The following MBD2 variants were observed in gnomAD, a reference collection of about 807,000 sequenced individuals.
The protein encoded by MBD2 is methyl-CpG binding domain protein 2.
Under a neutral mutation model 39.3 loss-of-function variants are expected in MBD2, and 9 were observed. The observed-to-expected ratio is 0.23, with a 90% CI of 0.14 to 0.40. The LOEUF is 0.40. MBD2 is among the 10% of genes least tolerant of loss of function. MBD2 has a pLI of 1.00. For missense variants in MBD2, 458 were observed against 532.6 expected, an observed-to-expected ratio of 0.86 and a Z score of 1.38; for synonymous variants, 233 against 211.1, an observed-to-expected ratio of 1.10 and a Z score of -0.90.
intron 3 of MBD2, among the ~76,000 whole-genome samples, chr18:54,168,613 TTGTGTGTGTGTGTGTGTGTGTGTGTG>T (rs60604906): frequency 6.8e-5 from 8 of 117,170 alleles, no homozygotes; most frequent in South Asian, 5.5e-4. Context: ...GTATGCATAT[TTGTGTGTGTGTGTGTGTGTGTGTGTG>T]TGTGTGTGTG....
chr18:54,195,386 T>C (rs2086357102), intron 2 of MBD2, among the ~76,000 whole-genome samples: 1 of 152,204 alleles, frequency 6.6e-6, no homozygotes, highest in African/African-American at 2.4e-5. Flanking sequence ...AATGTTGCTC[T>C]ACCTACCCAA....
intron 3 of MBD2, among the ~76,000 whole-genome samples, chr18:54,188,634 G>A (rs1396603814): frequency 1.3e-5 from 2 of 151,984 alleles, no homozygotes; most frequent in Non-Finnish European, 2.9e-5. Context: ...ATTACCACAC[G>A]AAAAGCATAA....
intron 2 of MBD2, among the ~76,000 whole-genome samples, chr18:54,196,576 G>T (rs939666792): frequency 6.6e-6 from 1 of 152,114 alleles, no homozygotes; most frequent in Admixed American, 6.5e-5. Flanking sequence ...TGACACAAAT[G>T]GTTTTCTGTA....
At chr18:54,184,872 A>G (rs1293074724) in intron 3 of MBD2, among the ~76,000 whole-genome samples, 2 of 152,158 alleles carry the variant, frequency 1.3e-5, no homozygotes, top group Non-Finnish European at 2.9e-5. Flanking sequence ...TATAGGACAC[A>G]TCCTCTATTT....
chr18:54,170,161 T>G (rs2086169860), intron 3 of MBD2, among the ~76,000 whole-genome samples: 1 of 152,218 alleles, frequency 6.6e-6, no homozygotes, highest in Admixed American at 6.5e-5. Flanking sequence ...ACAGTTCTCC[T>G]AGTAAGGACA....
chr18:54,208,433 G>A (rs555212707), intron 1 of MBD2, among the ~76,000 whole-genome samples: 58 of 151,770 alleles, frequency 3.8e-4, no homozygotes, highest in African/African-American at 1.2e-3. Flanking sequence ...CAGACGTTGC[G>A]GCAAGCCGAG....
chr18:54,188,981 T>A lies in MBD2; in HGVS notation c.733A>T (p.Ile245Phe). Residue 245 changes from isoleucine (I) to phenylalanine (F), a missense_variant, in exon 3 of 7, where the codon ATT (isoleucine) becomes TTT (phenylalanine). Coordinates refer to ENST00000256429, the MANE Select transcript of MBD2 (RefSeq NM_003927.5). ...GKPDLNTTLPIRQTASIFKQP... is the reference protein window; with the variant it reads ...GKPDLNTTLPFRQTASIFKQP... ...TTGAAAATTGATGCTGTTTGTCTAA[T>A]TGGCAATGTTGTATTCAAGTCTGGT... 6.2e-7 allele frequency: 1 copy of A among 1,608,704 alleles called. No individual in the cohort carries two copies. Among genetic ancestry groups the A allele is most frequent in the Non-Finnish European group, 8.5e-7 (1 of 1,176,500 alleles).
At chr18:54,157,282 A>G (rs2086059173) in intron 6 of MBD2, among the ~76,000 whole-genome samples, 1 of 150,818 alleles carries the variant, frequency 6.6e-6, no homozygotes, top group African/African-American at 2.4e-5. Flanking sequence ...TTTTTTTGAG[A>G]CAGAGTCTCA....
intron 3 of MBD2, among the ~76,000 whole-genome samples, chr18:54,175,172 G>T (rs1388658471): frequency 6.6e-6 from 1 of 152,154 alleles, no homozygotes; most frequent in Non-Finnish European, 1.5e-5. Context: ...CTGACCAGAG[G>T]AACATGCTGA....
At chr18:54,218,433 C>T (rs1246824420) in intron 1 of MBD2, among the ~76,000 whole-genome samples, 4 of 152,146 alleles carry the variant, frequency 2.6e-5, no homozygotes, top group African/African-American at 9.7e-5. Context: ...CTCAATGGCA[C>T]ACTAAGCCCA....
chr18:54,196,400 G>A (rs1276757548), intron 2 of MBD2, among the ~76,000 whole-genome samples: 1 of 152,144 alleles, frequency 6.6e-6, no homozygotes, highest in African/African-American at 2.4e-5. Context: ...ACTTACTGGA[G>A]CTTTAGTTAA....
At chr18:54,214,373 T>C (rs1032719665) in intron 1 of MBD2, among the ~76,000 whole-genome samples, 9 of 152,062 alleles carry the variant, frequency 5.9e-5, no homozygotes, top group African/African-American at 1.9e-4. Context: ...TTTTTAAAAA[T>C]TTTTTGTAGG....
chr18:54,220,120 A>T (rs2086597725), intron 1 of MBD2, among the ~76,000 whole-genome samples: 2 of 152,208 alleles, frequency 1.3e-5, no homozygotes, highest in Admixed American at 6.5e-5. Flanking sequence ...TTTTTTTAAA[A>T]AAGGCAAGAG....
Position 54,152,411 on chromosome 18 carries a change from A to T in MBD2, c.*2913T>A, listed in dbSNP as rs1175288312. 1 of 152,282 alleles carries T rather than the reference A, an allele frequency of 6.6e-6. No individual in the cohort carries two copies. The highest frequency in any genetic ancestry group is 6.5e-5 in the Admixed American group (1 of 15,288). The allele number at this position is 152,282 out of a possible 1,614,324, so 9.4% of individuals were successfully genotyped here. The stretch of plus-strand genomic sequence containing the variant: ...CAGACAAGCAGGGATCAGATCAAGA[A>T]GAGCCTTTTGACCATTCTTCCATTT... On this transcript the variant is annotated 3_prime_UTR_variant, in exon 7 of 7. Transcript: ENST00000256429.
intron 2 of MBD2, among the ~76,000 whole-genome samples, chr18:54,190,951 CAAGA>C (rs1473955345): frequency 2.6e-5 from 4 of 152,046 alleles, no homozygotes; most frequent in East Asian, 3.9e-4. Context: ...TCTTAACAAA[CAAGA>C]AAGAAAAGGG....
At chr18:54,211,861 CTTT>C (rs543540671) in intron 1 of MBD2, among the ~76,000 whole-genome samples, 1 of 146,068 alleles carries the variant, frequency 6.8e-6, no homozygotes, top group African/African-American at 2.5e-5. Context: ...CTATGGCCTC[CTTT>C]TTTTTTTTTG....
At chr18:54,188,568 T>A (rs2086299020) in intron 3 of MBD2, among the ~76,000 whole-genome samples, 1 of 152,212 alleles carries the variant, frequency 6.6e-6, no homozygotes, top group Non-Finnish European at 1.5e-5. Context: ...TGAAATATTA[T>A]CCTTGGAAAG....
chr18:54,194,065 T>A (rs143902377), intron 2 of MBD2, among the ~76,000 whole-genome samples: 1 of 152,092 alleles, frequency 6.6e-6, no homozygotes. Context: ...ATGAAGAACA[T>A]GTATCATAAG....
intron 5 of MBD2, 62 bp downstream of exon 5, chr18:54,164,461 C>T: frequency 6.8e-7 from 1 of 1,461,526 alleles, no homozygotes; most frequent in South Asian, 1.2e-5. Flanking sequence ...ACCTAATGAA[C>T]AGTAAAAAAT....
Sources: allele counts gnomAD v4.1 joint callset (sites outside exome capture counted in the v4.1 genomes callset), GRCh38; gene constraint gnomAD v4.1.1; transcripts MANE v1.5; gene names NCBI Gene and HGNC (gene_info 2026-07-23, HGNC 2026-07-21).